THSD4: variants seen among roughly 807,000 people sequenced by gnomAD.
THSD4 encodes thrombospondin type-1 domain-containing protein 4.
THSD4 carries 69 observed loss-of-function variants against 119.0 expected under a neutral mutation model. That is an observed-to-expected ratio of 0.58 (90% CI 0.48 to 0.71). The LOEUF is 0.71. Ranked by LOEUF, THSD4 falls within the 30% of genes least tolerant of loss-of-function variation. The probability of loss-of-function intolerance (pLI) is 0.00; values close to 1 mark genes in which losing one functional copy is unlikely to be tolerated. For missense variants in THSD4, 1,393 were observed against 1,391.1 expected (o/e 1.00, Z -0.02); for synonymous variants, 524 against 540.4 (o/e 0.97, Z 0.42).
chr15:71,220,684 G>A (rs1446570745), intron 4 of THSD4, among the ~76,000 whole-genome samples: 3 of 152,150 alleles, frequency 2.0e-5, no homozygotes, highest in Non-Finnish European at 4.4e-5. Context: ...GTGTGTTAGA[G>A]AGAGTACCAG....
intron 7 of THSD4, among the ~76,000 whole-genome samples, chr15:71,599,278 G>A (rs2049963773): frequency 6.6e-6 from 1 of 152,160 alleles, no homozygotes; most frequent in Non-Finnish European, 1.5e-5. Context: ...TGATTGATTT[G>A]CTGTATTTTT....
intron 17 of THSD4, among the ~76,000 whole-genome samples, chr15:71,773,479 T>C (rs772953104): frequency 6.6e-6 from 1 of 152,232 alleles, no homozygotes; most frequent in Non-Finnish European, 1.5e-5. Context: ...TATTTGTCTA[T>C]GGTATCTTTT....
At chr15:71,424,203 T>C (rs1191792463) in intron 7 of THSD4, among the ~76,000 whole-genome samples, 1 of 152,144 alleles carries the variant, frequency 6.6e-6, no homozygotes, top group Non-Finnish European at 1.5e-5. Flanking sequence ...TTGTTAAATT[T>C]GGCGTTCCTG....
rs557155621 is a variant in THSD4, at chr15:71,505,067, A to G, written c.1152+93244A>G. ...TATGCAGGTAAAGTGTCCTCATCCC[A>G]TCATTTCAAGGGCACATGATAGCCA... On this transcript the variant is annotated intron_variant, in intron 7 of 17. Transcript: ENST00000261862. 1.9e-3 allele frequency among the ~76,000 whole-genome samples: 295 copies of G among 152,294 alleles called. 1 individual carries two copies. Among genetic ancestry groups the G allele is most frequent in the South Asian group, 6.4e-3 (31 of 4,826 alleles).
chr15:71,523,851 C>G (rs1444842789), intron 7 of THSD4, among the ~76,000 whole-genome samples: 3 of 152,124 alleles, frequency 2.0e-5, no homozygotes, highest in African/African-American at 7.2e-5. Context: ...AATGCTGGAT[C>G]TTGGGATATC....
chr15:71,569,128 C>T (rs2049299590), intron 7 of THSD4, among the ~76,000 whole-genome samples: 2 of 152,234 alleles, frequency 1.3e-5, no homozygotes, highest in African/African-American at 4.8e-5. Flanking sequence ...GCCTGCCACT[C>T]AGAAATCTAA....
chr15:71,184,926 T>A (rs2043583382), intron 3 of THSD4, among the ~76,000 whole-genome samples: 1 of 151,826 alleles, frequency 6.6e-6, no homozygotes, highest in Non-Finnish European at 1.5e-5. Flanking sequence ...CCTTTGGTTT[T>A]TTTTGGCTCT....
At chr15:71,561,133 C>T (rs1321584746) in intron 7 of THSD4, among the ~76,000 whole-genome samples, 1 of 152,054 alleles carries the variant, frequency 6.6e-6, no homozygotes, top group East Asian at 1.9e-4. Context: ...TGCCACCACA[C>T]CCGGCTCATT....
intron 7 of THSD4, among the ~76,000 whole-genome samples, chr15:71,438,993 C>G (rs1280470602): frequency 6.6e-6 from 1 of 152,144 alleles, no homozygotes; most frequent in African/African-American, 2.4e-5. Context: ...TTCCAAATGA[C>G]AAGACCACGG....
At chr15:71,734,169 A>C (rs967384324) in intron 10 of THSD4, among the ~76,000 whole-genome samples, 1 of 152,162 alleles carries the variant, frequency 6.6e-6, no homozygotes, top group African/African-American at 2.4e-5. Context: ...ATTTTCTATT[A>C]AAATGAGACA....
intron 2 of THSD4, among the ~76,000 whole-genome samples, chr15:71,150,517 G>A (rs1171436352): frequency 1.3e-5 from 2 of 152,202 alleles, no homozygotes; most frequent in Admixed American, 6.5e-5. Flanking sequence ...TCCATTCAGA[G>A]CAGAGACCAT....
rs963091084 is a variant in THSD4, at chr15:71,268,786, C to G, written c.1015+12071C>G. Among the ~76,000 whole-genome samples the G allele has an allele frequency of 4.0e-5, 6 of 151,214 alleles. No individual in the cohort carries two copies. In the South Asian group the frequency reaches 6.3e-4, roughly 16 times the overall value. Reference sequence around the variant, plus strand: ...CAATAAAAAATTATAAAGGGTAGATCACTGATCCCACAGAAATACAAACTA... The same window carrying G: ...CAATAAAAAATTATAAAGGGTAGATGACTGATCCCACAGAAATACAAACTA... On this transcript the variant is annotated intron_variant, in intron 6 of 17. Coordinates refer to ENST00000261862, the MANE Select transcript of THSD4 (RefSeq NM_024817.3).
chr15:71,426,885 G>A (rs924055804), intron 7 of THSD4, among the ~76,000 whole-genome samples: 1 of 152,116 alleles, frequency 6.6e-6, no homozygotes, highest in Non-Finnish European at 1.5e-5. Context: ...TTCAGTAAAT[G>A]TTTTTTAAAT....
chr15:71,328,171 C>T (rs866932460), intron 6 of THSD4, among the ~76,000 whole-genome samples: 2 of 152,190 alleles, frequency 1.3e-5, no homozygotes, highest in African/African-American at 4.8e-5. Flanking sequence ...TTTCGTGCTT[C>T]TTGTTTTTAT....
chr15:71,708,651 G>T lies in THSD4; in HGVS notation c.1358-19898G>T, dbSNP rs80086187. Among the ~76,000 whole-genome samples, 14 of 152,328 alleles carry T rather than the reference G, an allele frequency of 9.2e-5. 1 individual carries two copies. In the East Asian group the frequency reaches 2.7e-3, roughly 29 times the overall value. On this transcript the variant is annotated intron_variant, in intron 8 of 17. Transcript: ENST00000261862. ...ATATGCAGCAAGGAATTCATCTTGA[G>T]CTGGGTTAGGAATTTTTGCCAAACG... is the stretch of plus-strand genomic sequence containing the variant.
chr15:71,527,777 A>AT (rs1361129671), intron 7 of THSD4, among the ~76,000 whole-genome samples: 1 of 143,072 alleles, frequency 7.0e-6, no homozygotes, highest in African/African-American at 2.6e-5. Context: ...CAGTGGCACA[A>AT]TCATGGCTCA....
At chr15:71,601,150 A>C (rs2050002748) in intron 7 of THSD4, among the ~76,000 whole-genome samples, 1 of 152,220 alleles carries the variant, frequency 6.6e-6, no homozygotes. Context: ...TGCATGTTGG[A>C]AGCGAGATTT....
At chr15:71,362,703 A>G (rs992564884) in intron 6 of THSD4, among the ~76,000 whole-genome samples, 3 of 152,298 alleles carry the variant, frequency 2.0e-5, no homozygotes, top group South Asian at 2.1e-4. Flanking sequence ...TCCCGGTGCT[A>G]TGCTCTGGAG....
intron 6 of THSD4, among the ~76,000 whole-genome samples, chr15:71,277,416 G>A (rs2044605945): frequency 6.6e-6 from 1 of 152,038 alleles, no homozygotes; most frequent in African/African-American, 2.4e-5. Context: ...GTGAGCCGCC[G>A]TGCCTGGCCT....
Sources: allele counts gnomAD v4.1 joint callset (sites outside exome capture counted in the v4.1 genomes callset), GRCh38; gene constraint gnomAD v4.1.1; transcripts MANE v1.5; gene names NCBI Gene and HGNC (gene_info 2026-07-23, HGNC 2026-07-21).